Variants in TGFBRAP1 observed in about 807,000 individuals in gnomAD.
TGFBRAP1 encodes transforming growth factor-beta receptor-associated protein 1.
Under a neutral mutation model 83.2 loss-of-function variants are expected in TGFBRAP1, and 20 were observed. The ratio of observed to expected loss-of-function variants is 0.24; its 90% CI spans 0.17 to 0.35. The LOEUF (loss-of-function observed/expected upper bound fraction) is 0.35. TGFBRAP1 is among the 10% of genes least tolerant of loss of function. The pLI is 1.00. For synonymous variants in TGFBRAP1, 415 were observed against 459.8 expected, an observed-to-expected ratio of 0.90 and a Z score of 1.25; for missense variants, 950 against 1,099.4, an observed-to-expected ratio of 0.86 and a Z score of 1.92.
Position 105,269,293 on chromosome 2 carries a change from GT to G in TGFBRAP1, c.2384del (p.Asn795ThrfsTer2), listed in dbSNP as rs1325609543. The G allele has an allele frequency of 6.2e-7, 1 of 1,610,006 alleles. No homozygotes were observed. The highest frequency in any genetic ancestry group is 1.7e-5 in the Admixed American group (1 of 59,890). ...QVALGLARSE[N>X]LIYTYDKMKL... ...TTACCTTATCGTAGGTGTAGATTAA[GT>G]TTTCGGACCTGGCCAGGCCGAGAGC... is the stretch of plus-strand genomic sequence containing the variant. On this transcript the variant is annotated frameshift_variant, in exon 11 of 12. Transcript: ENST00000393359. LOFTEE classifies it high-confidence loss of function. This position sits in a 1 kb window ranked among gnomAD's most constrained non-coding sequence, Gnocchi z 4.1.
rs145875400 is a variant in TGFBRAP1, at chr2:105,323,919, T to G, written c.-18+5706A>C. Among the ~76,000 whole-genome samples, 1,268 of 152,198 alleles carry G rather than the reference T, an allele frequency of 8.3e-3. 21 individuals carry two copies. The highest frequency in any genetic ancestry group is 9.2e-3 in the Non-Finnish European group (626 of 68,004). The stretch of plus-strand genomic sequence containing the variant: ...GTCAGAGAGCATCTCGAATCCCCCA[T>G]GGGAATTGGAGGAGTTTAGATAAAT... On this transcript the variant is annotated intron_variant, in intron 1 of 11. Coordinates refer to ENST00000393359, the MANE Select transcript of TGFBRAP1 (RefSeq NM_004257.6).
At chr2:105,299,505 G>A (rs999882254) in intron 2 of TGFBRAP1, among the ~76,000 whole-genome samples, 1 of 152,044 alleles carries the variant, frequency 6.6e-6, no homozygotes, top group Non-Finnish European at 1.5e-5. Context: ...TCACCCTGGA[G>A]GTCAAAGAGG....
intron 7 of TGFBRAP1, among the ~76,000 whole-genome samples, chr2:105,276,513 T>C (rs1677354366): frequency 6.6e-6 from 1 of 152,194 alleles, no homozygotes; most frequent in Non-Finnish European, 1.5e-5. Context: ...TGATACTAGT[T>C]TCTTCAACAC....
At chr2:105,252,875 C>T in the TGFBRAP1 span, among the ~76,000 whole-genome samples, 27 of 150,952 alleles carry the variant, frequency 1.8e-4, 1 homozygote, top group East Asian at 2.0e-3. Flanking sequence ...GCCTCAGCCT[C>T]CCGAGTAGCT....
At chr2:105,256,533 G>A in the TGFBRAP1 span, among the ~76,000 whole-genome samples, 1 of 152,140 alleles carries the variant, frequency 6.6e-6, no homozygotes, top group Non-Finnish European at 1.5e-5. Flanking sequence ...AACGTCTAAA[G>A]AGATTCCATT....
At chr2:105,256,451 G>C in the TGFBRAP1 span, among the ~76,000 whole-genome samples, 7 of 152,040 alleles carry the variant, frequency 4.6e-5, no homozygotes, top group African/African-American at 1.7e-4. Flanking sequence ...TGGCTTACCC[G>C]CACTGCCCAC....
chr2:105,316,420 A>AGTGTGTGTGT lies in TGFBRAP1; in HGVS notation c.-17-8112_-17-8103dup, dbSNP rs71393002. Among the ~76,000 whole-genome samples the AGTGTGTGTGT allele has an allele frequency of 2.5e-3, 278 of 109,074 alleles. 2 individuals are homozygous for AGTGTGTGTGT. Among genetic ancestry groups the AGTGTGTGTGT allele is most frequent in the East Asian group, 4.5e-3 (13 of 2,906 alleles). The allele number at this position is 109,074 out of a possible 152,430, so 71.6% of individuals were successfully genotyped here. On this transcript the variant is annotated intron_variant, in intron 1 of 11. Transcript: ENST00000393359. The stretch of plus-strand genomic sequence containing the variant: ...AATACAAACTCTTACAGGTATAGGG[A>AGTGTGTGTGT]GTGTGTGTGTGTGTGTGTGTGTGTG...
chr2:105,267,735 T>C, intron 11 of TGFBRAP1, 176 bp from the exon 12 acceptor site: 1 of 985,450 alleles, frequency 1.0e-6, no homozygotes, highest in Non-Finnish European at 1.2e-6. Context: ...AAACCATCCT[T>C]AGTAACTGGA....
At chr2:105,299,872 G>A (rs1407394310) in intron 2 of TGFBRAP1, among the ~76,000 whole-genome samples, 2 of 152,124 alleles carry the variant, frequency 1.3e-5, no homozygotes, top group Non-Finnish European at 2.9e-5. Context: ...GAGAAGCCTC[G>A]AAGCCCCACT....
At chr2:105,327,174 A>C (rs1222448061) in intron 1 of TGFBRAP1, 1 of 152,192 alleles carries the variant, frequency 6.6e-6, no homozygotes. Flanking sequence ...TTAAAAGATC[A>C]CAAATTTGTA....
At chr2:105,285,210 C>T (rs1677675361) in intron 4 of TGFBRAP1, among the ~76,000 whole-genome samples, 1 of 152,226 alleles carries the variant, frequency 6.6e-6, no homozygotes, top group South Asian at 2.1e-4. Flanking sequence ...TAATTACTCT[C>T]TCTGACTTTG....
At chr2:105,271,878 T>C (rs1410604739) in intron 10 of TGFBRAP1, among the ~76,000 whole-genome samples, 1 of 152,192 alleles carries the variant, frequency 6.6e-6, no homozygotes, top group Non-Finnish European at 1.5e-5. Flanking sequence ...AGCGCCCTCC[T>C]TCCTTGCTTC....
At chr2:105,295,595 G>A (rs1282161443) in intron 4 of TGFBRAP1, among the ~76,000 whole-genome samples, 1 of 151,988 alleles carries the variant, frequency 6.6e-6, no homozygotes, top group Non-Finnish European at 1.5e-5. Context: ...GGTGGATCAC[G>A]AGGTCAAGGG....
At chr2:105,310,914 TG>T (rs1270015733) in intron 1 of TGFBRAP1, among the ~76,000 whole-genome samples, 2 of 152,192 alleles carry the variant, frequency 1.3e-5, no homozygotes, top group Non-Finnish European at 2.9e-5. Flanking sequence ...ATATAAATTG[TG>T]TCTCCCTTTG....
At chr2:105,302,343 A>G (rs1375514066) in intron 2 of TGFBRAP1, among the ~76,000 whole-genome samples, 2 of 152,176 alleles carry the variant, frequency 1.3e-5, no homozygotes, top group Non-Finnish European at 2.9e-5. Context: ...AAAGCTTTCC[A>G]ACAGATACAC....
intron 4 of TGFBRAP1, among the ~76,000 whole-genome samples, chr2:105,296,019 T>C (rs1678077184): frequency 6.6e-6 from 1 of 152,182 alleles, no homozygotes; most frequent in South Asian, 2.1e-4. Context: ...TCTTTTGCTT[T>C]ATAAGAACTA....
At chr2:105,260,423 A>G (rs1676762994), downstream of TGFBRAP1, among the ~76,000 whole-genome samples, 2 of 152,356 alleles carry the variant, frequency 1.3e-5, no homozygotes, top group African/African-American at 4.8e-5. Context: ...AAAAAGGAAG[A>G]AAATTCTGAC....
chr2:105,306,252 G>A (rs1045152112), intron 2 of TGFBRAP1, among the ~76,000 whole-genome samples: 1 of 151,142 alleles, frequency 6.6e-6, no homozygotes, highest in Non-Finnish European at 1.5e-5. Context: ...AGTAGAGACA[G>A]GGTTTCTCCA....
At chr2:105,260,794 G>T (rs1028412876), downstream of TGFBRAP1, among the ~76,000 whole-genome samples, 12 of 152,094 alleles carry the variant, frequency 7.9e-5, no homozygotes, top group Admixed American at 2.6e-4. Context: ...TATGAAAATG[G>T]CAAGAATATT....
Sources: gnomAD v4.1 joint callset for allele counts (sites outside exome capture counted in the v4.1 genomes callset) on GRCh38, gnomAD v4.1.1 for gene constraint, Gnocchi (gnomAD v3.1) non-coding constraint, MANE v1.5 for transcripts, NCBI Gene and HGNC (gene_info 2026-07-23, HGNC 2026-07-21) for gene names.